The following SATL1 variants were observed in gnomAD, a reference collection of about 807,000 sequenced individuals.
SATL1 encodes spermidine/spermine N1-acetyl transferase like 1.
A neutral mutation model predicts 51.8 loss-of-function variants in SATL1; 47 were observed. The ratio of observed to expected loss-of-function variants is 0.91; its 90% CI spans 0.72 to 1.16. The LOEUF is 1.16. Among genes scored for constraint, SATL1 ranks in the 50% most tolerant of loss-of-function variants. The probability of loss-of-function intolerance (pLI) is 0.00; values close to 1 mark genes in which losing one functional copy is unlikely to be tolerated. For missense variants in SATL1, 520 were observed against 526.4 expected (o/e 0.99, Z 0.12); for synonymous variants, 176 against 182.4 (o/e 0.97, Z 0.28).
At position 85,092,368 on chromosome X, in the gene SATL1, G is replaced by A. The variant is rs1313659464; in HGVS notation, c.*23C>T. 3.5e-5 allele frequency: 40 copies of A among 1,153,622 alleles called. No homozygotes were observed. Among genetic ancestry groups the A allele is most frequent in the Non-Finnish European group, 4.4e-5 (38 of 867,281 alleles). On this transcript the variant is annotated 3_prime_UTR_variant, in exon 8 of 8. Transcript: ENST00000644105. Reference sequence around the variant, plus strand: ...AGTCAAATGTTGGAGGCTGTGTTGGGATGAGTTGTTACAAAGCCTCTTTCA... The same window carrying A: ...AGTCAAATGTTGGAGGCTGTGTTGGAATGAGTTGTTACAAAGCCTCTTTCA...
chrX:85,208,305 A>G (rs1414006668), intron 2 of SATL1, among the ~76,000 whole-genome samples: 1 of 111,797 alleles, frequency 8.9e-6, no homozygotes, highest in African/African-American at 3.3e-5. Flanking sequence ...TCTATCACTG[A>G]TGGACATTTG....
chrX:85,110,610 C>T lies in SATL1; in HGVS notation c.-312-1330G>A, dbSNP rs141760380. 6.7e-3 allele frequency among the ~76,000 whole-genome samples: 741 copies of T among 110,868 alleles called. 10 individuals carry two copies. The highest frequency in any genetic ancestry group is 0.023 in the African/African-American group (703 of 30,485). On this transcript the variant is annotated intron_variant, in intron 2 of 7. Transcript: ENST00000644105. ...AACTCAGTTCCCCAAGTGTAGTAAA[C>T]GGAGGAATGGGGATGGGTATCCAAG...
chrX:85,170,718 G>A (rs1483935625), intron 2 of SATL1, among the ~76,000 whole-genome samples: 1 of 111,489 alleles, frequency 9.0e-6, no homozygotes, highest in Non-Finnish European at 1.9e-5. Context: ...CATTGATTTG[G>A]ATAAATGAAA....
At chrX:85,127,837 G>T (rs1367000369) in intron 2 of SATL1, among the ~76,000 whole-genome samples, 1 of 110,041 alleles carries the variant, frequency 9.1e-6, no homozygotes, top group African/African-American at 3.3e-5. Context: ...GATGTTCCCT[G>T]CCCTATGTCC....
chrX:85,231,711 A>G (rs142520243), intron 1 of SATL1, among the ~76,000 whole-genome samples: 1 of 111,843 alleles, frequency 8.9e-6, no homozygotes, highest in Non-Finnish European at 1.9e-5. Context: ...CATGGGGCAG[A>G]ACTCAGCTGG....
At chrX:85,100,221 CAAA>C in intron 4 of SATL1, among the ~76,000 whole-genome samples, 1 of 109,334 alleles carries the variant, frequency 9.1e-6, no homozygotes, top group East Asian at 2.9e-4. Flanking sequence ...AACAAAAAAA[CAAA>C]AAAAATCCAT....
intron 2 of SATL1, among the ~76,000 whole-genome samples, chrX:85,180,233 C>T (rs935935079): frequency 1.2e-4 from 13 of 111,310 alleles, no homozygotes; most frequent in African/African-American, 4.2e-4. Flanking sequence ...CTTCAAAAGT[C>T]TTTTCCTCTT....
intron 4 of SATL1, among the ~76,000 whole-genome samples, chrX:85,103,045 T>A: frequency 9.0e-6 from 1 of 111,626 alleles, no homozygotes. Flanking sequence ...CTATTTCTTT[T>A]AAGCCAACAA....
chrX:85,150,962 C>T (rs1156770265), intron 2 of SATL1, among the ~76,000 whole-genome samples: 1 of 111,185 alleles, frequency 9.0e-6, no homozygotes, highest in East Asian at 2.8e-4. Flanking sequence ...GAAGTTCCGG[C>T]CAGGGTAATC....
chrX:85,140,875 G>T (rs1926092217), intron 2 of SATL1, among the ~76,000 whole-genome samples: 1 of 111,627 alleles, frequency 9.0e-6, no homozygotes, highest in Non-Finnish European at 1.9e-5. Context: ...GCAAGTAAGA[G>T]AACACCCAAC....
rs938572407 is a variant in SATL1, at chrX:85,097,934, C to T, written c.1694-2938G>A. 2.7e-5 allele frequency among the ~76,000 whole-genome samples: 3 copies of T among 110,937 alleles called. 1 individual carries two copies. Among genetic ancestry groups the T allele is most frequent in the African/African-American group, 9.8e-5 (3 of 30,467 alleles). On this transcript the variant is annotated intron_variant, in intron 4 of 7. Transcript: ENST00000644105. ...GTAGGAACAACCAAAAGCTTTAAGG[C>T]GTATGGAAGACAGTTAAATAGTACA... is the stretch of plus-strand genomic sequence containing the variant.
chrX:85,103,009 C>T (rs1326230848), intron 4 of SATL1, among the ~76,000 whole-genome samples: 1 of 111,276 alleles, frequency 9.0e-6, no homozygotes, highest in Non-Finnish European at 1.9e-5. Flanking sequence ...ATAGAGTGTA[C>T]ATTACTTTCA....
At chrX:85,184,364 C>A (rs1360146663) in intron 2 of SATL1, among the ~76,000 whole-genome samples, 1 of 111,162 alleles carries the variant, frequency 9.0e-6, no homozygotes, top group Non-Finnish European at 1.9e-5. Flanking sequence ...ATATTGATAT[C>A]TTTCTCTAGG....
At chrX:85,235,726 T>G (rs1451999169) in intron 1 of SATL1, among the ~76,000 whole-genome samples, 3 of 110,149 alleles carry the variant, frequency 2.7e-5, no homozygotes, top group African/African-American at 6.6e-5. Context: ...AGCACCTACA[T>G]CAAAAAAGTA....
At chrX:85,187,938 A>G (rs900619529) in intron 2 of SATL1, among the ~76,000 whole-genome samples, 3 of 110,799 alleles carry the variant, frequency 2.7e-5, no homozygotes, top group African/African-American at 9.8e-5. Context: ...TTAAGTTCTA[A>G]ACCTTTTAAA....
chrX:85,092,433 C>T lies in SATL1; in HGVS notation c.2046G>A (p.Arg682=). The part of the protein sequence containing the change: ...LSSEEGWHLF[R]FNREELLDMA... The stretch of plus-strand genomic sequence containing the variant: ...TGTCCAGGAGTTCTTCTCTGTTAAA[C>T]CTGAAGAGATGCCAGCCCTCCTCAG... Residue 682 remains arginine, a synonymous_variant, in exon 8 of 8, where the codon AGG becomes AGA. Transcript: ENST00000644105. 1 of 1,191,530 alleles carries T rather than the reference C, an allele frequency of 8.4e-7. No individual in the cohort carries two copies. Among genetic ancestry groups the T allele is most frequent in the Non-Finnish European group, 1.1e-6 (1 of 885,214 alleles).
chrX:85,109,185 G>A lies in SATL1; in HGVS notation c.-217C>T. On this transcript the variant is annotated 5_prime_UTR_variant, in exon 3 of 8. Coordinates refer to ENST00000644105, the MANE Select transcript of SATL1 (RefSeq NM_001367857.2). ...ATTGGAAAAAGAGAGGAGCACCTCA[G>A]GAAGATTATTAATGCCTCCGGTTTG... The A allele has an allele frequency of 2.4e-6, 1 of 422,814 alleles. No individual in the cohort carries two copies. Among genetic ancestry groups the A allele is most frequent in the South Asian group, 4.4e-5 (1 of 22,817 alleles). 34.8% of individuals were successfully genotyped at this position (422,814 alleles called of 1,213,427 possible). A position where few individuals can be genotyped will look rare whatever the true frequency, so the allele number is the denominator to read the frequency against.
At chrX:85,182,969 C>A (rs1190691314) in intron 2 of SATL1, among the ~76,000 whole-genome samples, 1 of 111,444 alleles carries the variant, frequency 9.0e-6, no homozygotes, top group Non-Finnish European at 1.9e-5. Flanking sequence ...GTTCCTTGTG[C>A]ATTTTGGATA....
chrX:85,122,443 A>C (rs1925528827), intron 2 of SATL1, among the ~76,000 whole-genome samples: 1 of 111,151 alleles, frequency 9.0e-6, no homozygotes, highest in Non-Finnish European at 1.9e-5. Context: ...TCTGAAGTTT[A>C]AGAATCACAT....
Sources: allele counts gnomAD v4.1 joint callset (sites outside exome capture counted in the v4.1 genomes callset), GRCh38; gene constraint gnomAD v4.1.1; transcripts MANE v1.5; gene names NCBI Gene and HGNC (gene_info 2026-07-23, HGNC 2026-07-21).